The following ZNF589 variants were observed in gnomAD, a reference collection of about 807,000 sequenced individuals.
ZNF589 encodes the protein zinc finger protein 589.
In ZNF589, 17 loss-of-function variants were observed where a neutral mutation model predicts 13.6. The observed-to-expected ratio is 1.25, with a 90% CI of 0.86 to 1.88. The LOEUF (loss-of-function observed/expected upper bound fraction) is 1.88. ZNF589 is among the 40% of genes most tolerant of loss of function. The pLI, the probability that ZNF589 is intolerant of heterozygous loss-of-function variation, is 0.00. For missense variants in ZNF589, 407 were observed against 434.0 expected, an observed-to-expected ratio of 0.94 and a Z score of 0.55; for synonymous variants, 148 against 161.6, an observed-to-expected ratio of 0.92 and a Z score of 0.64.
intron 1 of ZNF589, among the ~76,000 whole-genome samples, chr3:48,247,086 A>G (rs2033775322): frequency 6.6e-6 from 1 of 151,506 alleles, no homozygotes; most frequent in South Asian, 2.1e-4. Context: ...TTCTCCTGCC[A>G]CAGCCTCCTG....
At chr3:48,248,505 T>C (rs1287738693) in intron 2 of ZNF589, among the ~76,000 whole-genome samples, 1 of 152,220 alleles carries the variant, frequency 6.6e-6, no homozygotes, top group African/African-American at 2.4e-5. Flanking sequence ...AAGAGCCTCA[T>C]AGAGTTCACC....
intron 2 of ZNF589, among the ~76,000 whole-genome samples, chr3:48,255,665 T>G (rs1173746982): frequency 6.6e-6 from 1 of 151,308 alleles, no homozygotes; most frequent in East Asian, 1.9e-4. Flanking sequence ...GGCTAGCTTT[T>G]GTGTTTTCAG....
At chr3:48,247,825 G>T (rs1186346249) in intron 2 of ZNF589, 148 bp downstream of exon 2, 1 of 703,650 alleles carries the variant, frequency 1.4e-6, no homozygotes, top group Non-Finnish European at 2.1e-6. Flanking sequence ...TTATTATAAT[G>T]GTTTTTGCAC....
chr3:48,246,707 C>T (rs150801992), intron 1 of ZNF589, among the ~76,000 whole-genome samples: 4 of 152,246 alleles, frequency 2.6e-5, no homozygotes, highest in Non-Finnish European at 4.4e-5. Context: ...CTCGCTCTGT[C>T]GCCCAGGCCG....
rs367963188 is a variant in ZNF589, at chr3:48,256,832, C to T, written c.97-3981C>T. ...TCCTTCTTGGATTTCCACCACTTCC[C>T]TGAAACCACGAGCTGGAAGCTGAGA... On this transcript the variant is annotated intron_variant, in intron 2 of 3. Coordinates refer to ENST00000354698, the MANE Select transcript of ZNF589 (RefSeq NM_016089.3). 2.0e-5 allele frequency: 28 copies of T among 1,404,882 alleles called. No individual in the cohort carries two copies. The East Asian group carries it at 5.7e-4, about 28-fold the overall frequency. The allele number at this position is 1,404,882 out of a possible 1,614,324, so 87.0% of individuals were successfully genotyped here. A position where few individuals can be genotyped will look rare whatever the true frequency, so the allele number is the denominator to read the frequency against.
At chr3:48,256,817 A>G (rs762856852) in intron 2 of ZNF589, 92 of 1,494,780 alleles carry the variant, frequency 6.2e-5, no homozygotes, top group Non-Finnish European at 8.2e-5. Flanking sequence ...TCCTTCTTGG[A>G]TTTCCACCAC....
intron 2 of ZNF589, among the ~76,000 whole-genome samples, chr3:48,256,175 G>A (rs1178009360): frequency 3.3e-5 from 5 of 152,144 alleles, no homozygotes; most frequent in African/African-American, 1.2e-4. Context: ...ATTGCTACTG[G>A]GGAGGCCAAG....
chr3:48,242,338 C>G (rs2033707991), intron 1 of ZNF589, among the ~76,000 whole-genome samples: 1 of 152,068 alleles, frequency 6.6e-6, no homozygotes, highest in African/African-American at 2.4e-5. Context: ...TCTTGAACTC[C>G]TGACCCCAGA....
At chr3:48,248,569 T>A (rs896800302) in intron 2 of ZNF589, among the ~76,000 whole-genome samples, 1 of 152,330 alleles carries the variant, frequency 6.6e-6, no homozygotes, top group Admixed American at 6.5e-5. Context: ...ATCTTTGCTA[T>A]ACCAGAAATT....
intron 2 of ZNF589, among the ~76,000 whole-genome samples, chr3:48,258,359 T>G (rs1239710111): frequency 1.3e-5 from 2 of 152,220 alleles, no homozygotes; most frequent in Non-Finnish European, 2.9e-5. Flanking sequence ...TGGATTTTTA[T>G]GTGTTCATCT....
At chr3:48,248,348 A>G (rs2033795208) in intron 2 of ZNF589, among the ~76,000 whole-genome samples, 1 of 152,250 alleles carries the variant, frequency 6.6e-6, no homozygotes, top group South Asian at 2.1e-4. Flanking sequence ...GCCAAATGGT[A>G]GAGTCAGGAA....
chr3:48,250,913 T>C (rs947454028), intron 2 of ZNF589, among the ~76,000 whole-genome samples: 4 of 151,814 alleles, frequency 2.6e-5, no homozygotes, highest in African/African-American at 4.8e-5. Context: ...TTTTTAAATA[T>C]GAAATTTTTG....
intron 1 of ZNF589, 58 bp downstream of exon 1, chr3:48,241,272 G>A (rs2106827147): frequency 1.3e-6 from 2 of 1,591,650 alleles, no homozygotes; most frequent in South Asian, 1.1e-5. Flanking sequence ...CAGGCGCCGC[G>A]CAGGCGTCGG....
chr3:48,252,795 T>G (rs1462629895), intron 2 of ZNF589, among the ~76,000 whole-genome samples: 2 of 151,578 alleles, frequency 1.3e-5, no homozygotes, highest in Non-Finnish European at 2.9e-5. Context: ...GCTAATTTTT[T>G]ATATTTTTAG....
rs9810669 is a variant in ZNF589 at position 48,241,273 on chromosome 3, C to G, written c.43+59C>G. On this transcript the variant is annotated intron_variant, in intron 1 of 3. Transcript: ENST00000354698. ...CGGTGCTCCAGCCGCAGGCGCCGCG[C>G]AGGCGTCGGCCGTATCCACCAGGGA... 8.7e-3 allele frequency: 13,903 copies of G among 1,591,696 alleles called. 903 individuals carry two copies. In the African/African-American group the frequency reaches 0.15, roughly 17 times the overall value.
chr3:48,269,948 C>G lies in ZNF589; in HGVS notation c.*1162C>G, dbSNP rs1164076184. The G allele has an allele frequency of 3.0e-5, 13 of 437,228 alleles. No homozygotes were observed. Among genetic ancestry groups the G allele is most frequent in the East Asian group, 7.0e-5 (1 of 14,278 alleles). 27.1% of individuals were successfully genotyped at this position (437,228 alleles called of 1,614,324 possible). A position where few individuals can be genotyped will look rare whatever the true frequency, so the allele number is the denominator to read the frequency against. Reference sequence around the variant, plus strand: ...ACTGTACGCCCACCCCACTCTTGTTCTAAGAGCTTTGGGGACAGTCTTTTG... The same window carrying G: ...ACTGTACGCCCACCCCACTCTTGTTGTAAGAGCTTTGGGGACAGTCTTTTG... On this transcript the variant is annotated 3_prime_UTR_variant, in exon 4 of 4. Transcript: ENST00000354698.
chr3:48,255,650 C>T (rs534062761), intron 2 of ZNF589, among the ~76,000 whole-genome samples: 40 of 152,152 alleles, frequency 2.6e-4, no homozygotes, highest in Admixed American at 2.4e-3. Flanking sequence ...CTACCAACCA[C>T]GCCTGGCTAG....
In ZNF589 at chr3:48,241,238, C is replaced by T. The variant is rs759445595; in HGVS notation, c.43+24C>T. The T allele has an allele frequency of 2.6e-5, 42 of 1,608,210 alleles. No individual in the cohort carries two copies. The South Asian group carries it at 4.4e-4, about 17-fold the overall frequency. ...AGGTGAGTCGGGGCCGCGAGATCGC[C>T]TCCCCCATTCGGTGCTCCAGCCGCA... On this transcript the variant is annotated intron_variant, in intron 1 of 3. Coordinates refer to ENST00000354698, the MANE Select transcript of ZNF589 (RefSeq NM_016089.3).
Position 48,267,900 on chromosome 3 carries a change from AC to A in ZNF589, c.224-14del. The A allele has an allele frequency of 6.3e-7, 1 of 1,591,456 alleles. No homozygotes were observed. On this transcript the variant is annotated splice_polypyrimidine_tract_variant and intron_variant, in intron 3 of 3. Coordinates refer to ENST00000354698, the MANE Select transcript of ZNF589 (RefSeq NM_016089.3). ...CTTCCTATGACTCTTCTGACTGGAA[AC>A]TTTCTTTCTTCAGCAGAATCAAAGC...
Sources: allele counts gnomAD v4.1 joint callset (sites outside exome capture counted in the v4.1 genomes callset), GRCh38; gene constraint gnomAD v4.1.1; transcripts MANE v1.5; gene names NCBI Gene and HGNC (gene_info 2026-07-23, HGNC 2026-07-21).